The following UGT1A8 variants were observed in gnomAD, a reference collection of about 807,000 sequenced individuals.
UGT1A8 encodes the protein UDP-glucuronosyltransferase 1A8.
In UGT1A8, 39 loss-of-function variants were observed where a neutral mutation model predicts 45.3. The ratio of observed to expected loss-of-function variants is 0.86; its 90% CI spans 0.67 to 1.12. UGT1A8 has a LOEUF of 1.12. UGT1A8 is among the 50% of genes most tolerant of loss of function. The probability of loss-of-function intolerance (pLI) is 0.00; values close to 1 mark genes in which losing one functional copy is unlikely to be tolerated. For synonymous variants in UGT1A8, 275 were observed against 249.2 expected, an observed-to-expected ratio of 1.10 and a Z score of -0.97; for missense variants, 719 against 664.9, an observed-to-expected ratio of 1.08 and a Z score of -0.90.
intron 1 of UGT1A8, among the ~76,000 whole-genome samples, chr2:233,696,800 T>C (rs1221505832): frequency 1.3e-5 from 2 of 152,202 alleles, no homozygotes; most frequent in East Asian, 3.8e-4. Context: ...GTATGTTCCT[T>C]CTGTAGCCAG....
chr2:233,689,879 G>A (rs1344729822), intron 1 of UGT1A8: 1 of 456,572 alleles, frequency 2.2e-6, no homozygotes, highest in South Asian at 1.5e-5. Context: ...TGCTTATCAA[G>A]TGCCTTATTT....
At chr2:233,660,698 C>G (rs1413175416) in intron 1 of UGT1A8, among the ~76,000 whole-genome samples, 2 of 152,252 alleles carry the variant, frequency 1.3e-5, no homozygotes, top group South Asian at 2.1e-4. Flanking sequence ...GGCTTAAATC[C>G]TCGTGCCCGC....
intron 1 of UGT1A8, among the ~76,000 whole-genome samples, chr2:233,629,331 A>G (rs544410299): frequency 6.2e-4 from 94 of 152,240 alleles, no homozygotes; most frequent in Non-Finnish European, 1.2e-3. Context: ...TTCATGCTGT[A>G]TACATACACC....
intron 1 of UGT1A8, chr2:233,689,786 T>C: frequency 2.4e-6 from 1 of 409,846 alleles, no homozygotes; most frequent in Middle Eastern, 7.9e-4. Flanking sequence ...TATGTTATGA[T>C]GTGATCTGTA....
intron 1 of UGT1A8, among the ~76,000 whole-genome samples, chr2:233,652,805 C>T (rs1006783966): frequency 2.6e-5 from 4 of 152,156 alleles, no homozygotes; most frequent in Admixed American, 6.5e-5. Context: ...TATGCAAAAA[C>T]TAACTTGAAA....
chr2:233,765,917 T>C (rs1002014731), intron 1 of UGT1A8, among the ~76,000 whole-genome samples: 3 of 151,992 alleles, frequency 2.0e-5, no homozygotes, highest in African/African-American at 7.3e-5. Context: ...TAGGGGAGCA[T>C]ACAGACGGGC....
At chr2:233,718,926 A>T in intron 1 of UGT1A8, 1 of 1,614,126 alleles carries the variant, frequency 6.2e-7, no homozygotes, top group Non-Finnish European at 8.5e-7. Context: ...GGTGGTGCCC[A>T]CTGATGGCAG....
Position 233,760,811 on chromosome 2 carries a change from T to A in UGT1A8, c.856-6223T>A, listed in dbSNP as rs72551341. The A allele has an allele frequency of 6.5e-5, 105 of 1,613,198 alleles. No individual in the cohort carries two copies. Among genetic ancestry groups the A allele is most frequent in the Non-Finnish European group, 7.5e-5 (89 of 1,179,336 alleles). The stretch of plus-strand genomic sequence containing the variant: ...CCCACTGTATTCTTCTTGCATGCAC[T>A]GCCATGCAGCCTGGAATTTGAGGCT... On this transcript the variant is annotated intron_variant, in intron 1 of 4. Coordinates refer to ENST00000373450, the MANE Select transcript of UGT1A8 (RefSeq NM_019076.5).
At chr2:233,674,442 G>A (rs1309650448) in intron 1 of UGT1A8, among the ~76,000 whole-genome samples, 2 of 152,062 alleles carry the variant, frequency 1.3e-5, no homozygotes, top group South Asian at 2.1e-4. Context: ...CTTATGTGTT[G>A]CCTGCACCCC....
Position 233,729,252 on chromosome 2 carries a change from C to T in UGT1A8, c.856-37782C>T, listed in dbSNP as rs1553613077. ...TGCCCATTGATGGCAGCCACTGGCT[C>T]AGCATGCGGGAGGTCTTGCGGGAGC... On this transcript the variant is annotated intron_variant, in intron 1 of 4. Coordinates refer to ENST00000373450, the MANE Select transcript of UGT1A8 (RefSeq NM_019076.5). 65 of 1,614,244 alleles carry T rather than the reference C, an allele frequency of 4.0e-5. 3 individuals carry two copies. The South Asian group carries it at 6.7e-4, about 17-fold the overall frequency.
At chr2:233,721,362 A>G (rs1341884248) in intron 1 of UGT1A8, among the ~76,000 whole-genome samples, 1 of 152,182 alleles carries the variant, frequency 6.6e-6, no homozygotes, top group Non-Finnish European at 1.5e-5. Flanking sequence ...ACTGAACTGC[A>G]CTGGCTCAAA....
chr2:233,691,223 G>A, intron 1 of UGT1A8: 2 of 985,518 alleles, frequency 2.0e-6, no homozygotes, highest in South Asian at 4.7e-5. Context: ...AACCTTCCTG[G>A]AGTCTTATTG....
In UGT1A8 at chr2:233,749,353, T is replaced by G. The variant is rs1479557854; in HGVS notation, c.856-17681T>G. On this transcript the variant is annotated intron_variant, in intron 1 of 4. Transcript: ENST00000373450. The stretch of plus-strand genomic sequence containing the variant: ...GTTGAAAAGTGGGATGGAATTTAAA[T>G]AGTGACTCTTGCCCTTTTCTTCCAG... 5.9e-5 allele frequency among the ~76,000 whole-genome samples: 9 copies of G among 151,918 alleles called. 1 individual carries two copies. The East Asian group carries it at 1.7e-3, about 29-fold the overall frequency.
At chr2:233,664,784 A>G (rs911495777) in intron 1 of UGT1A8, among the ~76,000 whole-genome samples, 6 of 152,224 alleles carry the variant, frequency 3.9e-5, no homozygotes, top group Non-Finnish European at 5.9e-5. Context: ...GGTGGGGACA[A>G]ATATCCAAGC....
At chr2:233,693,691 T>C (rs755873387) in intron 1 of UGT1A8, 25 of 1,614,244 alleles carry the variant, frequency 1.5e-5, no homozygotes, top group Non-Finnish European at 2.0e-5. Flanking sequence ...TTTCAAAGTA[T>C]GAAGAACTCG....
chr2:233,729,599 C>G (rs61764030), intron 1 of UGT1A8: 161 of 1,613,870 alleles, frequency 1.0e-4, no homozygotes, highest in Admixed American at 2.2e-4. Flanking sequence ...AACCTCTGCG[C>G]GGCAGTGCTG....
rs769331263 is a variant in UGT1A8 at position 233,772,705 on chromosome 2, C to A, written c.*146C>A. 6.8e-7 allele frequency: 1 copy of A among 1,474,690 alleles called. No homozygotes were observed. The highest frequency in any genetic ancestry group is 2.5e-5 in the East Asian group (1 of 40,596). The allele number at this position is 1,474,690 out of a possible 1,614,324, so 91.4% of individuals were successfully genotyped here. On this transcript the variant is annotated 3_prime_UTR_variant, in exon 5 of 5. Coordinates refer to ENST00000373450, the MANE Select transcript of UGT1A8 (RefSeq NM_019076.5). Reference sequence around the variant, plus strand: ...CAGCCCCAGAGTGCTTTAAAAAATTCTCTTAAATAAAAATAATAGACTCGC... The same window carrying A: ...CAGCCCCAGAGTGCTTTAAAAAATTATCTTAAATAAAAATAATAGACTCGC...
At chr2:233,669,942 C>G (rs2924452) in intron 1 of UGT1A8, among the ~76,000 whole-genome samples, 1 of 152,250 alleles carries the variant, frequency 6.6e-6, no homozygotes, top group East Asian at 1.9e-4. Context: ...ACCTTGACCT[C>G]CCAAAGTGCT....
rs777025300 is a variant in UGT1A8, at chr2:233,693,162, G to T, written c.856-73872G>T. ...ATAGTTGAGGTTCTCAGTGACCGGG[G>T]TCATGAGATTGTAGTGGTGGTGCCT... On this transcript the variant is annotated intron_variant, in intron 1 of 4. Coordinates refer to ENST00000373450, the MANE Select transcript of UGT1A8 (RefSeq NM_019076.5). The T allele has an allele frequency of 5.0e-6, 8 of 1,614,088 alleles. No homozygotes were observed. In the Admixed American group the frequency reaches 1.3e-4, roughly 27 times the overall value.
Sources: allele counts gnomAD v4.1 joint callset (sites outside exome capture counted in the v4.1 genomes callset), GRCh38; gene constraint gnomAD v4.1.1; transcripts MANE v1.5; gene names NCBI Gene and HGNC (gene_info 2026-07-23, HGNC 2026-07-21).